SEPTIN7: variants seen among roughly 807,000 people sequenced by gnomAD.
SEPTIN7 encodes the protein septin-7.
A neutral mutation model predicts 63.3 loss-of-function variants in SEPTIN7; 10 were observed. That is an observed-to-expected ratio of 0.16 (90% confidence interval 0.10 to 0.27). The LOEUF (loss-of-function observed/expected upper bound fraction) is 0.27. Among genes scored for constraint, SEPTIN7 ranks in the 10% least tolerant of loss-of-function variants. The pLI is 1.00. For synonymous variants in SEPTIN7, 131 were observed against 165.3 expected (o/e 0.79, Z 1.59); for missense variants, 310 against 521.0 (o/e 0.59, Z 3.94).
chr7:35,892,403 A>G (rs1421709099), intron 11 of SEPTIN7, among the ~76,000 whole-genome samples: 1 of 152,164 alleles, frequency 6.6e-6, no homozygotes, highest in Non-Finnish European at 1.5e-5. Context: ...ATCATAGTGA[A>G]TATTGTTCAT....
chr7:35,817,569 A>G (rs920156163), intron 1 of SEPTIN7, among the ~76,000 whole-genome samples: 6 of 152,074 alleles, frequency 3.9e-5, no homozygotes, highest in East Asian at 1.9e-4. Flanking sequence ...GCTAATTTCT[A>G]CAAGTAGGCC....
chr7:35,888,145 G>C (rs1339183006), intron 10 of SEPTIN7, among the ~76,000 whole-genome samples: 2 of 152,180 alleles, frequency 1.3e-5, no homozygotes, highest in African/African-American at 2.4e-5. Flanking sequence ...AGAACAGAAA[G>C]AGTTACGATA....
chr7:35,872,844 TA>T, intron 5 of SEPTIN7, 78 bp downstream of exon 5: 3 of 967,374 alleles, frequency 3.1e-6, no homozygotes, highest in African/African-American at 1.6e-5. Context: ...CTTAACATTT[TA>T]AAACTTCTCA....
chr7:35,895,257 A>G (rs1273389996), intron 11 of SEPTIN7, among the ~76,000 whole-genome samples: 1 of 152,178 alleles, frequency 6.6e-6, no homozygotes, highest in African/African-American at 2.4e-5. Flanking sequence ...TTTCTACATT[A>G]TAAGCACAAT....
intron 3 of SEPTIN7, chr7:35,846,704 T>A (rs1784683586): frequency 6.4e-6 from 1 of 156,398 alleles, no homozygotes; most frequent in African/African-American, 2.4e-5. Context: ...TTCAGAGTTC[T>A]GTGAGGTAGA....
At chr7:35,849,456 G>A (rs1784849117) in intron 3 of SEPTIN7, among the ~76,000 whole-genome samples, 1 of 152,190 alleles carries the variant, frequency 6.6e-6, no homozygotes, top group South Asian at 2.1e-4. Context: ...CCGCTGGTCT[G>A]ACAGGAGGCG....
chr7:35,870,823 T>TAAAAAA (rs34827594), intron 4 of SEPTIN7, among the ~76,000 whole-genome samples: 1 of 114,636 alleles, frequency 8.7e-6, no homozygotes, highest in Non-Finnish European at 1.8e-5. Context: ...AGACCCTGAC[T>TAAAAAA]AAAAAAAAAA....
chr7:35,809,805 G>T (rs1228508657), intron 1 of SEPTIN7, among the ~76,000 whole-genome samples: 1 of 152,186 alleles, frequency 6.6e-6, no homozygotes, highest in Non-Finnish European at 1.5e-5. Context: ...AGTGGTAATC[G>T]TAAGAATCGT....
chr7:35,831,260 T>C (rs1241746394), intron 1 of SEPTIN7: 1 of 190,672 alleles, frequency 5.2e-6, no homozygotes, highest in Non-Finnish European at 1.1e-5. Context: ...CTTTGACATG[T>C]TTAGAAAAAA....
chr7:35,812,070 T>C (rs530314640), intron 1 of SEPTIN7: 10 of 247,644 alleles, frequency 4.0e-5, no homozygotes, highest in South Asian at 2.3e-4. Context: ...GAGGTTGCCG[T>C]GAGCCAAGAT....
chr7:35,807,513 C>T lies in SEPTIN7; in HGVS notation c.61+6243C>T, dbSNP rs562387446. Among the ~76,000 whole-genome samples the T allele has an allele frequency of 8.6e-5, 13 of 151,872 alleles. No homozygotes were observed. In the South Asian group the frequency reaches 1.0e-3, roughly 12 times the overall value. On this transcript the variant is annotated intron_variant, in intron 1 of 13. Coordinates refer to ENST00000350320, the MANE Select transcript of SEPTIN7 (RefSeq NM_001788.6). ...CTGAATAGCTGGGACTACAGGCGCC[C>T]GCCACCGCGCCCGGCTAATTTTTGT...
intron 7 of SEPTIN7, 130 bp from the exon 8 acceptor site, chr7:35,882,354 C>A: frequency 1.8e-6 from 1 of 560,100 alleles, no homozygotes. Flanking sequence ...TACAACTTTG[C>A]ATCATTAAAA....
At chr7:35,853,173 T>C (rs1453324244) in intron 3 of SEPTIN7, among the ~76,000 whole-genome samples, 1 of 152,194 alleles carries the variant, frequency 6.6e-6, no homozygotes, top group African/African-American at 2.4e-5. Flanking sequence ...TGCTCAAGCA[T>C]GTAATCCCAG....
chr7:35,842,362 C>G (rs771893082), intron 3 of SEPTIN7, among the ~76,000 whole-genome samples: 3 of 150,938 alleles, frequency 2.0e-5, no homozygotes, highest in Admixed American at 2.0e-4. Context: ...AAAAAAAAAC[C>G]CTCATTTTAA....
intron 4 of SEPTIN7, among the ~76,000 whole-genome samples, chr7:35,867,618 G>A (rs1257833272): frequency 6.6e-5 from 10 of 152,150 alleles, no homozygotes; most frequent in African/African-American, 9.7e-5. Flanking sequence ...CCAAAGTGCC[G>A]GGATTACAGG....
At position 35,904,973 on chromosome 7, in the gene SEPTIN7, A is replaced by C. The variant is rs911617319; in HGVS notation, c.*680A>C. The C allele has an allele frequency of 5.2e-5, 8 of 152,520 alleles. No homozygotes were observed. Among genetic ancestry groups the C allele is most frequent in the Non-Finnish European group, 1.0e-4 (7 of 68,008 alleles). 9.4% of individuals were successfully genotyped at this position (152,520 alleles called of 1,614,324 possible). A position where few individuals can be genotyped will look rare whatever the true frequency, so the allele number is the denominator to read the frequency against. On this transcript the variant is annotated 3_prime_UTR_variant, in exon 14 of 14. Coordinates refer to ENST00000350320, the MANE Select transcript of SEPTIN7 (RefSeq NM_001788.6). ...TTTTGTAATAACATTTAATTTAGAT[A>C]TTTTCCATATATTGGCACTGCTAAA...
At position 35,882,555 on chromosome 7, in the gene SEPTIN7, T is replaced by A; in HGVS notation, c.702T>A (p.Asn234Lys). The A allele has an allele frequency of 6.7e-7, 1 of 1,483,500 alleles. No homozygotes were observed. The highest frequency in any genetic ancestry group is 1.3e-5 in the South Asian group (1 of 78,040). The allele number at this position is 1,483,500 out of a possible 1,614,324, so 91.9% of individuals were successfully genotyped here. ...EFPETDDEEE[N>K]KLVKKIKDRL... is the part of the protein sequence containing the mutation. ...CAGAAACAGATGATGAAGAAGAAAATAAACTTGTTAAAAAGATAAAGGTAG... is the reference window on the plus strand; with the variant it reads ...CAGAAACAGATGATGAAGAAGAAAAAAAACTTGTTAAAAAGATAAAGGTAG... Residue 234 changes from asparagine to lysine, a missense_variant, in exon 8 of 14, where the codon AAT becomes AAA. By Grantham distance (94) the Asn-to-Lys change is moderately conservative (BLOSUM62 0). This residue lies in a region of SEPTIN7 where 255 missense variants were observed against 490.5 expected (regional missense o/e 0.52). Transcript: ENST00000350320.
chr7:35,852,895 G>A (rs1477625591), intron 3 of SEPTIN7, among the ~76,000 whole-genome samples: 1 of 152,046 alleles, frequency 6.6e-6, no homozygotes, highest in Non-Finnish European at 1.5e-5. Context: ...ATTCTTGAAA[G>A]GACGTAGATC....
intron 4 of SEPTIN7, among the ~76,000 whole-genome samples, chr7:35,870,708 T>A (rs536333116): frequency 6.6e-6 from 1 of 151,974 alleles, no homozygotes; most frequent in Admixed American, 6.6e-5. Context: ...ACATTTTTTT[T>A]GGCCCAGCAC....
Sources: allele counts gnomAD v4.1 joint callset (sites outside exome capture counted in the v4.1 genomes callset), GRCh38; gene constraint gnomAD v4.1.1; regional missense constraint gnomAD v4.1.1; transcripts MANE v1.5; gene names NCBI Gene and HGNC (gene_info 2026-07-23, HGNC 2026-07-21).